CWH43: variants seen among roughly 807,000 people sequenced by gnomAD.
CWH43 encodes the protein cell wall biogenesis 43 C-terminal homolog.
In CWH43, 91 loss-of-function variants were observed where a neutral mutation model predicts 85.7. The ratio of observed to expected loss-of-function variants is 1.06; its 90% confidence interval spans 0.90 to 1.26. CWH43 has a LOEUF of 1.26. Among genes scored for constraint, CWH43 ranks in the 50% most tolerant of loss-of-function variants. The probability of loss-of-function intolerance (pLI) is 0.00; values close to 1 mark genes in which losing one functional copy is unlikely to be tolerated. For missense variants in CWH43, 869 were observed against 839.2 expected (o/e 1.04, Z -0.44); for synonymous variants, 323 against 293.6 (o/e 1.10, Z -1.02).
At chr4:49,058,302 T>A (rs970168532) in intron 15 of CWH43, among the ~76,000 whole-genome samples, 2 of 152,160 alleles carry the variant, frequency 1.3e-5, no homozygotes, top group African/African-American at 4.8e-5. Context: ...ACATAAAACA[T>A]AACTATTTAT....
chr4:48,987,697 GTTAA>G (rs1337224174), intron 1 of CWH43, among the ~76,000 whole-genome samples: 1 of 152,172 alleles, frequency 6.6e-6, no homozygotes, highest in Non-Finnish European at 1.5e-5. Context: ...TGCCCATAGC[GTTAA>G]TTATCATTAT....
chr4:49,040,479 C>T (rs948474620), intron 13 of CWH43, among the ~76,000 whole-genome samples: 1 of 152,066 alleles, frequency 6.6e-6, no homozygotes, highest in East Asian at 1.9e-4. Flanking sequence ...TTTTGATTTG[C>T]ATTTCTCTGA....
chr4:49,039,811 T>G (rs1784399537), intron 13 of CWH43, among the ~76,000 whole-genome samples: 1 of 152,036 alleles, frequency 6.6e-6, no homozygotes, highest in Non-Finnish European at 1.5e-5. Flanking sequence ...TTGTTACATA[T>G]GTATACATGT....
chr4:49,055,983 T>C (rs1455081381), intron 15 of CWH43, among the ~76,000 whole-genome samples: 1 of 148,974 alleles, frequency 6.7e-6, no homozygotes, highest in Non-Finnish European at 1.5e-5. Context: ...GTTACATATG[T>C]ATACATGTGC....
At position 49,040,816 on chromosome 4, in the gene CWH43, C is replaced by T. The variant is rs914490737; in HGVS notation, c.1803+2636C>T. Among the ~76,000 whole-genome samples the T allele has an allele frequency of 3.7e-4, 57 of 152,130 alleles. 1 individual carries two copies. Among genetic ancestry groups the T allele is most frequent in the Middle Eastern group, 3.4e-3 (1 of 294 alleles). ...TGGTGTTTTAGACATGAAGTCCTTGCCCATGCCTATGTCCTGAATGGTATT... is the reference window on the plus strand; with the variant it reads ...TGGTGTTTTAGACATGAAGTCCTTGTCCATGCCTATGTCCTGAATGGTATT... On this transcript the variant is annotated intron_variant, in intron 13 of 15. Coordinates refer to ENST00000226432, the MANE Select transcript of CWH43 (RefSeq NM_025087.3).
At chr4:49,050,877 T>C (rs753387470) in intron 15 of CWH43, 28 bp downstream of exon 15, 5 of 1,562,272 alleles carry the variant, frequency 3.2e-6, no homozygotes, top group Non-Finnish European at 4.4e-6. Flanking sequence ...GTAGTTCCAG[T>C]TATGAGCTAC....
intron 10 of CWH43, among the ~76,000 whole-genome samples, chr4:49,029,352 C>T (rs1462167651): frequency 2.0e-5 from 3 of 152,144 alleles, no homozygotes; most frequent in Non-Finnish European, 2.9e-5. Context: ...TAAAAGTCAT[C>T]GCCATTCTCC....
At chr4:49,028,760 G>GGAA in intron 10 of CWH43, 26 bp downstream of exon 10, 1 of 1,432,842 alleles carries the variant, frequency 7.0e-7, no homozygotes, top group Non-Finnish European at 9.8e-7. Context: ...ATTAGTTCCA[G>GGAA]GTTTTGAGAA....
intron 4 of CWH43, among the ~76,000 whole-genome samples, chr4:48,993,070 T>G (rs1214460713): frequency 6.6e-6 from 1 of 152,160 alleles, no homozygotes; most frequent in Non-Finnish European, 1.5e-5. Flanking sequence ...TCCTGACTTT[T>G]CTTCTATCTG....
At chr4:49,009,150 T>C (rs192114370) in intron 8 of CWH43, among the ~76,000 whole-genome samples, 435 of 152,322 alleles carry the variant, frequency 2.9e-3, no homozygotes, top group Non-Finnish European at 4.3e-3. Context: ...TTTTATTTCA[T>C]TGAGCAGTGG....
intron 14 of CWH43, among the ~76,000 whole-genome samples, chr4:49,049,401 A>G (rs1398148982): frequency 1.3e-5 from 2 of 152,012 alleles, no homozygotes; most frequent in East Asian, 1.9e-4. Flanking sequence ...TACCTAAGTT[A>G]TTGCAGTGGC....
At chr4:49,020,222 C>A (rs546334652) in intron 9 of CWH43, among the ~76,000 whole-genome samples, 134 of 152,138 alleles carry the variant, frequency 8.8e-4, no homozygotes, top group Middle Eastern at 3.4e-3. Context: ...ATTCTTACAC[C>A]TTTGCATCCT....
At position 49,039,691 on chromosome 4, in the gene CWH43, G is replaced by T. The variant is rs532239585; in HGVS notation, c.1803+1511G>T. On this transcript the variant is annotated intron_variant, in intron 13 of 15. Transcript: ENST00000226432. ...GAGCATGGCATGATGAGAATTTTCT[G>T]CATGTGACAGAAAATAACAGAGAGT... Among the ~76,000 whole-genome samples, 39 of 151,300 alleles carry T rather than the reference G, an allele frequency of 2.6e-4. 1 individual carries two copies. Among genetic ancestry groups the T allele is most frequent in the African/African-American group, 8.7e-4 (36 of 41,260 alleles).
chr4:48,990,353 A>T (rs1360120180), intron 2 of CWH43, among the ~76,000 whole-genome samples: 1 of 152,176 alleles, frequency 6.6e-6, no homozygotes, highest in East Asian at 1.9e-4. Context: ...CCAGGTGACC[A>T]TTGAGCTTTG....
intron 5 of CWH43, among the ~76,000 whole-genome samples, chr4:48,995,430 T>C (rs1048406280): frequency 6.6e-6 from 1 of 152,238 alleles, no homozygotes; most frequent in African/African-American, 2.4e-5. Flanking sequence ...TTTTCTCTTG[T>C]AACTGGCTCC....
At chr4:49,046,373 G>A (rs1381543846) in intron 14 of CWH43, among the ~76,000 whole-genome samples, 1 of 151,590 alleles carries the variant, frequency 6.6e-6, no homozygotes, top group Non-Finnish European at 1.5e-5. Flanking sequence ...TCCTCTTTAT[G>A]TACTGGGTGT....
intron 14 of CWH43, among the ~76,000 whole-genome samples, chr4:49,046,449 G>A (rs1049816733): frequency 2.0e-5 from 3 of 152,040 alleles, no homozygotes; most frequent in South Asian, 4.2e-4. Context: ...AACTTACATC[G>A]CAGTGGAAGG....
chr4:49,010,925 T>C (rs978058233), intron 8 of CWH43, among the ~76,000 whole-genome samples: 1 of 152,186 alleles, frequency 6.6e-6, no homozygotes, highest in African/African-American at 2.4e-5. Context: ...ATAAGTGTGA[T>C]GTGGTTCTGA....
At chr4:49,011,980 T>C (rs371947678) in intron 8 of CWH43, among the ~76,000 whole-genome samples, 1 of 152,156 alleles carries the variant, frequency 6.6e-6, no homozygotes, top group Non-Finnish European at 1.5e-5. Context: ...GGAATATCTT[T>C]GTGGTGTTCT....
Sources: allele counts gnomAD v4.1 joint callset (sites outside exome capture counted in the v4.1 genomes callset), GRCh38; gene constraint gnomAD v4.1.1; transcripts MANE v1.5; gene names NCBI Gene and HGNC (gene_info 2026-07-23, HGNC 2026-07-21).